Variants in CTNNBL1 observed in about 807,000 individuals in gnomAD.
The protein encoded by CTNNBL1 is beta-catenin-like protein 1.
CTNNBL1 carries 31 observed loss-of-function variants against 72.7 expected under a neutral mutation model. That is an observed-to-expected ratio of 0.43 (90% confidence interval 0.32 to 0.58). The LOEUF (loss-of-function observed/expected upper bound fraction) is 0.58. Among genes scored for constraint, CTNNBL1 ranks in the 20% least tolerant of loss-of-function variants. CTNNBL1 has a pLI of 0.08. For synonymous variants in CTNNBL1, 240 were observed against 267.3 expected (o/e 0.90, Z 1.00); for missense variants, 534 against 725.1 (o/e 0.74, Z 3.03).
At chr20:37,694,385 C>T (rs1327506313) in intron 1 of CTNNBL1, among the ~76,000 whole-genome samples, 7 of 152,192 alleles carry the variant, frequency 4.6e-5, no homozygotes, top group South Asian at 4.1e-4. Flanking sequence ...CACCCTGGGG[C>T]CTGGTTCCCT....
intron 15 of CTNNBL1, among the ~76,000 whole-genome samples, chr20:37,862,274 C>T (rs114429506): frequency 0.019 from 2,871 of 152,210 alleles, 91 homozygotes; most frequent in African/African-American, 0.065. Context: ...CTTTAAATGG[C>T]ATTTACTTCT....
chr20:37,716,870 G>A (rs1373751557), intron 1 of CTNNBL1, among the ~76,000 whole-genome samples: 1 of 152,176 alleles, frequency 6.6e-6, no homozygotes, highest in Non-Finnish European at 1.5e-5. Context: ...AAATAAATGT[G>A]GCAGCTATTG....
At chr20:37,844,998 C>T (rs1359606011) in intron 13 of CTNNBL1, among the ~76,000 whole-genome samples, 2 of 152,200 alleles carry the variant, frequency 1.3e-5, no homozygotes, top group African/African-American at 4.8e-5. Flanking sequence ...GAAGACTAAG[C>T]ATAAAGTATA....
intron 11 of CTNNBL1, among the ~76,000 whole-genome samples, 166 bp from the exon 12 acceptor site, chr20:37,839,936 G>A (rs1390950514): frequency 6.6e-6 from 1 of 152,144 alleles, no homozygotes; most frequent in Non-Finnish European, 1.5e-5. Context: ...TGTGAAGATT[G>A]GTTCGGTTTT....
chr20:37,871,653 G>A (rs1282274113), intron 15 of CTNNBL1, among the ~76,000 whole-genome samples: 1 of 152,162 alleles, frequency 6.6e-6, no homozygotes, highest in Admixed American at 6.5e-5. Context: ...TCAGACCTTA[G>A]TAGCATCCAC....
At chr20:37,727,339 G>A in intron 1 of CTNNBL1, 3 of 985,072 alleles carry the variant, frequency 3.0e-6, no homozygotes, top group Non-Finnish European at 2.4e-6. Context: ...CAGGCAATAG[G>A]CCTCAAGATT....
chr20:37,700,537 A>G lies in CTNNBL1; in HGVS notation c.30+6385A>G, dbSNP rs139161350. Among the ~76,000 whole-genome samples the G allele has an allele frequency of 5.9e-5, 9 of 152,338 alleles. No individual in the cohort carries two copies. The East Asian group carries it at 1.2e-3, about 20-fold the overall frequency. ...CATTTGAGAAGACAGGAGAATTACA[A>G]TATGGGCAGGAGGTGGTGGAAAAAG... On this transcript the variant is annotated intron_variant, in intron 1 of 15. Transcript: ENST00000361383.
chr20:37,802,474 A>G (rs527995770), intron 10 of CTNNBL1, among the ~76,000 whole-genome samples: 1 of 152,324 alleles, frequency 6.6e-6, no homozygotes, highest in East Asian at 1.9e-4. Context: ...TGAGTTGTAC[A>G]TTTTAACTGG....
intron 10 of CTNNBL1, among the ~76,000 whole-genome samples, chr20:37,784,180 T>C (rs147208259): frequency 8.9e-4 from 135 of 152,296 alleles, no homozygotes; most frequent in South Asian, 6.6e-3. Flanking sequence ...TTGCTCTCTT[T>C]TGGTTTTCAT....
chr20:37,775,036 T>G (rs925371816), intron 7 of CTNNBL1, among the ~76,000 whole-genome samples: 36 of 152,194 alleles, frequency 2.4e-4, no homozygotes, highest in Non-Finnish European at 2.9e-5. Flanking sequence ...TACAGCATTC[T>G]TAGTGTCTCA....
Position 37,872,026 on chromosome 20 carries a change from C to A in CTNNBL1, c.*13C>A, listed in dbSNP as rs774102961. ...GGAGAACTTCTAGAGGCACCTTGGC[C>A]CTGCGCATCATGGACTCTCTCAGCT... On this transcript the variant is annotated 3_prime_UTR_variant, in exon 16 of 16. Transcript: ENST00000361383. 2 of 1,607,792 alleles carry A rather than the reference C, an allele frequency of 1.2e-6. No homozygotes were observed. Among genetic ancestry groups the A allele is most frequent in the East Asian group, 2.2e-5 (1 of 44,872 alleles).
At chr20:37,791,404 A>C (rs894239453) in intron 10 of CTNNBL1, among the ~76,000 whole-genome samples, 3 of 152,178 alleles carry the variant, frequency 2.0e-5, no homozygotes, top group African/African-American at 4.8e-5. Flanking sequence ...GGAGCAGTAT[A>C]GTCAGTCTTT....
At chr20:37,695,804 A>T (rs8124872) in intron 1 of CTNNBL1, among the ~76,000 whole-genome samples, 4,504 of 152,292 alleles carry the variant, frequency 0.03, 212 homozygotes, top group African/African-American at 0.1. Flanking sequence ...GCTGTTGAGA[A>T]ATGGAAAGTC....
chr20:37,709,792 T>G (rs193164712), intron 1 of CTNNBL1, among the ~76,000 whole-genome samples: 1 of 152,350 alleles, frequency 6.6e-6, no homozygotes. Context: ...CATAATGAGA[T>G]TCCTTTTTTA....
chr20:37,811,178 T>C (rs933417123), intron 11 of CTNNBL1, among the ~76,000 whole-genome samples: 1 of 152,144 alleles, frequency 6.6e-6, no homozygotes, highest in East Asian at 1.9e-4. Context: ...GAATACAAGA[T>C]AAAAACCTTC....
intron 10 of CTNNBL1, among the ~76,000 whole-genome samples, chr20:37,786,656 C>A (rs1485050538): frequency 6.6e-6 from 1 of 151,658 alleles, no homozygotes. Flanking sequence ...TATACCTTTC[C>A]CCCGCCTTTA....
intron 5 of CTNNBL1, among the ~76,000 whole-genome samples, chr20:37,760,643 T>TA (rs1270247797): frequency 6.6e-6 from 1 of 152,236 alleles, no homozygotes; most frequent in Non-Finnish European, 1.5e-5. Flanking sequence ...TCTTTCTCTG[T>TA]AAAATGGAGA....
At chr20:37,854,790 T>C (rs552265293) in intron 13 of CTNNBL1, among the ~76,000 whole-genome samples, 3 of 151,910 alleles carry the variant, frequency 2.0e-5, no homozygotes, top group Non-Finnish European at 2.9e-5. Flanking sequence ...GGTTTCGCCA[T>C]GATGGCCAGG....
rs183385746 is a variant in CTNNBL1 at position 37,768,350 on chromosome 20, A to G, written c.750+306A>G. ...CCACTTCTCAGAGGCAGTCACTGTT[A>G]ACAATATTATATCCATTCTCTCAGA... is the stretch of plus-strand genomic sequence containing the variant. On this transcript the variant is annotated intron_variant, in intron 7 of 15. Coordinates refer to ENST00000361383, the MANE Select transcript of CTNNBL1 (RefSeq NM_030877.5). 1.8e-4 allele frequency among the ~76,000 whole-genome samples: 27 copies of G among 152,328 alleles called. No homozygotes were observed. The East Asian group carries it at 4.6e-3, about 26-fold the overall frequency.
Sources: allele counts gnomAD v4.1 joint callset (sites outside exome capture counted in the v4.1 genomes callset), GRCh38; gene constraint gnomAD v4.1.1; transcripts MANE v1.5; gene names NCBI Gene and HGNC (gene_info 2026-07-23, HGNC 2026-07-21).